GULP1: variants seen among roughly 807,000 people sequenced by gnomAD.
GULP1 encodes the protein GULP PTB domain containing engulfment adaptor 1.
In GULP1, 19 loss-of-function variants were observed where a neutral mutation model predicts 40.9. That is an observed-to-expected ratio of 0.46 (90% CI 0.32 to 0.68). The LOEUF is 0.68. Ranked by LOEUF, GULP1 falls within the 30% of genes least tolerant of loss-of-function variation. The pLI is 0.03. For missense variants in GULP1, 312 were observed against 362.2 expected (o/e 0.86, Z 1.12); for synonymous variants, 119 against 117.6 (o/e 1.01, Z -0.08).
At chr2:188,426,787 C>T (rs116319375) in intron 2 of GULP1, among the ~76,000 whole-genome samples, 1,812 of 152,134 alleles carry the variant, frequency 0.012, 13 homozygotes, top group Non-Finnish European at 0.018. Context: ...TATAAAGATA[C>T]CTGAAAATGT....
intron 2 of GULP1, among the ~76,000 whole-genome samples, chr2:188,402,932 C>G (rs918785737): frequency 2.6e-5 from 4 of 151,988 alleles, no homozygotes; most frequent in Non-Finnish European, 5.9e-5. Flanking sequence ...AGCTTATGTA[C>G]AAAAAGGGAA....
chr2:188,523,460 C>T (rs1032006362), intron 5 of GULP1, among the ~76,000 whole-genome samples: 1 of 152,178 alleles, frequency 6.6e-6, no homozygotes, highest in Non-Finnish European at 1.5e-5. Flanking sequence ...TGTTCCGCAT[C>T]TCGAAGGACA....
intron 2 of GULP1, among the ~76,000 whole-genome samples, chr2:188,412,895 T>C (rs529026722): frequency 3.9e-5 from 6 of 152,332 alleles, no homozygotes; most frequent in Non-Finnish European, 8.8e-5. Context: ...ATTTGTACTT[T>C]CATATGCTGT....
At chr2:188,324,321 G>A (rs1312620976) in intron 1 of GULP1, among the ~76,000 whole-genome samples, 1 of 152,036 alleles carries the variant, frequency 6.6e-6, no homozygotes, top group Admixed American at 6.6e-5. Flanking sequence ...TGATGCCCCT[G>A]AATCATTTTC....
rs957929047 is a variant in GULP1, at chr2:188,522,895, G to A, written c.162+68G>A. 42 of 978,534 alleles carry A rather than the reference G, an allele frequency of 4.3e-5. No homozygotes were observed. In the African/African-American group the frequency reaches 5.7e-4, roughly 13 times the overall value. The allele number at this position is 978,534 out of a possible 1,614,324, so 60.6% of individuals were successfully genotyped here. A position where few individuals can be genotyped will look rare whatever the true frequency, so the allele number is the denominator to read the frequency against. Reference sequence around the variant, plus strand: ...GTCATGTTTTCAGCAGATTGATGGAGATCAAAGCATGAACAGCTTTGCTGC... The same window carrying A: ...GTCATGTTTTCAGCAGATTGATGGAAATCAAAGCATGAACAGCTTTGCTGC... On this transcript the variant is annotated intron_variant, in intron 5 of 11. Transcript: ENST00000409830.
chr2:188,483,111 A>G (rs1325496022), intron 3 of GULP1, among the ~76,000 whole-genome samples: 2 of 152,074 alleles, frequency 1.3e-5, no homozygotes, highest in Non-Finnish European at 2.9e-5. Context: ...AAGAAGAAAG[A>G]TACTTGTTTT....
intron 7 of GULP1, among the ~76,000 whole-genome samples, chr2:188,554,660 A>C (rs1376505645): frequency 6.6e-6 from 1 of 152,012 alleles, no homozygotes; most frequent in African/African-American, 2.4e-5. Flanking sequence ...TATTAGGTCA[A>C]TTTGGTCTGT....
chr2:188,547,207 G>A (rs1692192537), intron 7 of GULP1, among the ~76,000 whole-genome samples: 1 of 149,540 alleles, frequency 6.7e-6, no homozygotes, highest in South Asian at 2.1e-4. Context: ...TGTGAAACTA[G>A]TATTTCTCTG....
chr2:188,464,642 G>A (rs2059970611), intron 2 of GULP1, among the ~76,000 whole-genome samples: 1 of 152,188 alleles, frequency 6.6e-6, no homozygotes. Flanking sequence ...CCACCTGGGA[G>A]CCAGGGACTA....
intron 1 of GULP1, among the ~76,000 whole-genome samples, chr2:188,364,846 G>A (rs2046557429): frequency 1.4e-5 from 2 of 145,478 alleles, no homozygotes; most frequent in African/African-American, 5.2e-5. Flanking sequence ...AAGTATATAT[G>A]TATCCACAAA....
chr2:188,434,972 C>T (rs1192590171), intron 2 of GULP1, among the ~76,000 whole-genome samples: 2 of 151,918 alleles, frequency 1.3e-5, no homozygotes, highest in Non-Finnish European at 2.9e-5. Context: ...TGAGATTAGA[C>T]TTTCTAAGAT....
intron 9 of GULP1, among the ~76,000 whole-genome samples, chr2:188,577,112 G>A (rs537144670): frequency 1.5e-3 from 233 of 151,970 alleles, no homozygotes; most frequent in Admixed American, 2.4e-3. Context: ...CCAGACTATT[G>A]CCAGGAAGTT....
intron 7 of GULP1, among the ~76,000 whole-genome samples, chr2:188,563,960 A>G (rs1330105943): frequency 2.0e-5 from 3 of 152,000 alleles, no homozygotes; most frequent in Non-Finnish European, 4.4e-5. Flanking sequence ...CAGGAATTCA[A>G]GTTTGGTTTA....
At chr2:188,456,702 GGA>G (rs900862550) in intron 2 of GULP1, among the ~76,000 whole-genome samples, 1 of 152,152 alleles carries the variant, frequency 6.6e-6, no homozygotes, top group Non-Finnish European at 1.5e-5. Flanking sequence ...ACCACCTAGT[GGA>G]GCTGTGAGAA....
intron 10 of GULP1, among the ~76,000 whole-genome samples, chr2:188,586,256 T>C (rs1702345632): frequency 6.6e-6 from 1 of 152,170 alleles, no homozygotes; most frequent in African/African-American, 2.4e-5. Flanking sequence ...ATAGACATAA[T>C]CTATATAAGT....
chr2:188,589,476 T>C lies in GULP1; in HGVS notation c.843+1527T>C, dbSNP rs777161601. On this transcript the variant is annotated intron_variant, in intron 11 of 11. Transcript: ENST00000409830. ...TAACAAAGAAATATTTATGTGGTAG[T>C]ATTTATTCTCAAGGGTTGCACAGGT... 13 of 272,192 alleles carry C rather than the reference T, an allele frequency of 4.8e-5. No individual in the cohort carries two copies. In the South Asian group the frequency reaches 6.6e-4, roughly 14 times the overall value. 16.9% of individuals were successfully genotyped at this position (272,192 alleles called of 1,614,324 possible).
At position 188,441,536 on chromosome 2, in the gene GULP1, T is replaced by G. The variant is rs185750989; in HGVS notation, c.-44-36123T>G. Among the ~76,000 whole-genome samples, 299 of 152,282 alleles carry G rather than the reference T, an allele frequency of 2.0e-3. 1 individual carries two copies. Among genetic ancestry groups the G allele is most frequent in the African/African-American group, 6.9e-3 (288 of 41,572 alleles). ...GCTGCTCAGACTTGAGCCTTCTTAC[T>G]TGGCTTCTGGGAACCTTTGTAAGGG... is the stretch of plus-strand genomic sequence containing the variant. On this transcript the variant is annotated intron_variant, in intron 2 of 11. Coordinates refer to ENST00000409830, the MANE Select transcript of GULP1 (RefSeq NM_016315.4).
chr2:188,554,113 T>A (rs1445180933), intron 7 of GULP1, among the ~76,000 whole-genome samples: 1 of 151,920 alleles, frequency 6.6e-6, no homozygotes, highest in Non-Finnish European at 1.5e-5. Flanking sequence ...GTTTGTTTGA[T>A]CTTGTGTATT....
chr2:188,551,558 TCATC>T (rs1234125937), intron 7 of GULP1, among the ~76,000 whole-genome samples: 3 of 151,804 alleles, frequency 2.0e-5, no homozygotes, highest in Non-Finnish European at 4.4e-5. Flanking sequence ...CACATTTTCT[TCATC>T]CATTTATCCA....
Sources: gnomAD v4.1 joint callset for allele counts (sites outside exome capture counted in the v4.1 genomes callset) on GRCh38, gnomAD v4.1.1 for gene constraint, MANE v1.5 for transcripts, NCBI Gene and HGNC (gene_info 2026-07-23, HGNC 2026-07-21) for gene names.